Variants in MAP4K3 observed in about 807,000 individuals in gnomAD.
MAP4K3 encodes MAPK/ERK kinase kinase kinase 3.
A neutral mutation model predicts 143.5 loss-of-function variants in MAP4K3; 94 were observed. That is an observed-to-expected ratio of 0.65 (90% CI 0.55 to 0.78). The LOEUF is 0.78. Ranked by LOEUF, MAP4K3 falls within the 30% of genes least tolerant of loss-of-function variation. The pLI, the probability that MAP4K3 is intolerant of heterozygous loss-of-function variation, is 0.00. For synonymous variants in MAP4K3, 416 were observed against 347.2 expected (o/e 1.20, Z -2.20); for missense variants, 1,077 against 1,068.1 (o/e 1.01, Z -0.12).
At chr2:39,335,509 T>A (rs1329755164) in intron 6 of MAP4K3, among the ~76,000 whole-genome samples, 1 of 152,230 alleles carries the variant, frequency 6.6e-6, no homozygotes, top group African/African-American at 2.4e-5. Context: ...ATTAGTCTCA[T>A]ACATTCTCTT....
At position 39,286,943 on chromosome 2, in the gene MAP4K3, T is replaced by G. The variant is rs771965123; in HGVS notation, c.1496A>C (p.Gln499Pro). The G allele has an allele frequency of 6.2e-7, 1 of 1,606,152 alleles. No individual in the cohort carries two copies. Among genetic ancestry groups the G allele is most frequent in the South Asian group, 1.1e-5 (1 of 89,846 alleles). The change falls in exon 21 of 34, where the codon CAG becomes CCG. Residue 499 changes from glutamine to proline, a missense_variant. Gln to Pro is a moderately conservative substitution (Grantham distance 76). This residue lies in a region of MAP4K3 where 864 missense variants were observed against 801.2 expected (regional missense o/e 1.08). Coordinates refer to ENST00000263881, the MANE Select transcript of MAP4K3 (RefSeq NM_003618.4). ...VALGNGMSSF[Q>P]LNGERDGSLC... ...TGAGCCATCTCGTTCACCATTTAAC[T>G]GGAAGGAGCTCATTCCATTTCCTTC...
rs961331001 is a variant in MAP4K3, at chr2:39,249,471, T to A, written c.*1147A>T. Reference sequence around the variant, plus strand: ...ATTTTGCTAAAACCTGGTATATACATATTCCATTGGAAAAAAGCAATCAAA... The same window carrying A: ...ATTTTGCTAAAACCTGGTATATACAAATTCCATTGGAAAAAAGCAATCAAA... On this transcript the variant is annotated 3_prime_UTR_variant, in exon 34 of 34. Coordinates refer to ENST00000263881, the MANE Select transcript of MAP4K3 (RefSeq NM_003618.4). The A allele has an allele frequency of 1.3e-5, 2 of 152,600 alleles. No individual in the cohort carries two copies. Among genetic ancestry groups the A allele is most frequent in the Non-Finnish European group, 2.9e-5 (2 of 67,996 alleles). 9.5% of individuals were successfully genotyped at this position (152,600 alleles called of 1,614,324 possible). A position where few individuals can be genotyped will look rare whatever the true frequency, so the allele number is the denominator to read the frequency against.
chr2:39,260,984 T>C, intron 28 of MAP4K3: 1 of 457,520 alleles, frequency 2.2e-6, no homozygotes, highest in South Asian at 2.9e-5. Context: ...ATTACATGAT[T>C]TTAGGACATT....
At chr2:39,293,171 G>A in intron 17 of MAP4K3, 59 bp downstream of exon 17, 2 of 1,206,618 alleles carry the variant, frequency 1.7e-6, no homozygotes, top group South Asian at 1.4e-5. Flanking sequence ...AGAGAAGAAG[G>A]CAAACTGACT....
intron 2 of MAP4K3, among the ~76,000 whole-genome samples, chr2:39,365,247 G>T (rs547519277): frequency 6.6e-6 from 1 of 151,960 alleles, no homozygotes; most frequent in African/African-American, 2.4e-5. Context: ...TGTTAATGTT[G>T]GTCAGCTGAG....
At chr2:39,407,498 C>T (rs901671181) in intron 1 of MAP4K3, among the ~76,000 whole-genome samples, 18 of 152,206 alleles carry the variant, frequency 1.2e-4, no homozygotes, top group African/African-American at 4.1e-4. Context: ...CTCCCAGACA[C>T]CATTAAGAAA....
chr2:39,305,081 A>T (rs1682653366), intron 15 of MAP4K3, among the ~76,000 whole-genome samples: 1 of 152,204 alleles, frequency 6.6e-6, no homozygotes, highest in Non-Finnish European at 1.5e-5. Context: ...GTTATTGTTT[A>T]ATGAGTATAG....
At chr2:39,332,057 AG>A in intron 7 of MAP4K3, 68 bp from the exon 8 acceptor site, 6 of 841,242 alleles carry the variant, frequency 7.1e-6, no homozygotes, top group African/African-American at 1.7e-5. Context: ...CAACATAAAA[AG>A]AAACTTTTAA....
At chr2:39,273,004 T>G (rs192412868) in intron 24 of MAP4K3, among the ~76,000 whole-genome samples, 1 of 151,198 alleles carries the variant, frequency 6.6e-6, no homozygotes, top group East Asian at 2.0e-4. Context: ...ACACTAGGTA[T>G]GGAGGGAAAA....
intron 1 of MAP4K3, among the ~76,000 whole-genome samples, chr2:39,393,086 T>C (rs1020518337): frequency 7.9e-5 from 12 of 152,242 alleles, no homozygotes; most frequent in African/African-American, 2.9e-4. Context: ...CTCATCAGGC[T>C]GTTAGTGGTT....
chr2:39,297,021 T>A (rs1205497147), intron 16 of MAP4K3, among the ~76,000 whole-genome samples: 4 of 152,218 alleles, frequency 2.6e-5, no homozygotes, highest in Non-Finnish European at 5.9e-5. Context: ...AATTGTGTAA[T>A]TCAATGTACT....
intron 32 of MAP4K3, among the ~76,000 whole-genome samples, chr2:39,253,218 G>A (rs573271356): frequency 1.9e-4 from 29 of 152,168 alleles, no homozygotes; most frequent in Non-Finnish European, 2.4e-4. Flanking sequence ...TGGAACCTCC[G>A]CCTCCTGGGT....
chr2:39,392,420 C>T (rs1303793449), intron 1 of MAP4K3, among the ~76,000 whole-genome samples: 4 of 152,094 alleles, frequency 2.6e-5, no homozygotes, highest in African/African-American at 9.7e-5. Context: ...TATAAATTAT[C>T]TATAAAGCAT....
At chr2:39,307,239 A>C (rs1048032930) in intron 15 of MAP4K3, among the ~76,000 whole-genome samples, 13 of 152,200 alleles carry the variant, frequency 8.5e-5, no homozygotes, top group African/African-American at 3.1e-4. Context: ...CCACAGTAGC[A>C]GAAAGAACTA....
intron 8 of MAP4K3, among the ~76,000 whole-genome samples, chr2:39,326,735 G>A (rs115087354): frequency 3.5e-4 from 54 of 152,166 alleles, no homozygotes; most frequent in African/African-American, 1.2e-3. Context: ...GAGGGGCCTC[G>A]TAGGAGGTGA....
intron 12 of MAP4K3, among the ~76,000 whole-genome samples, chr2:39,321,544 G>T (rs1465654036): frequency 1.3e-5 from 2 of 152,130 alleles, no homozygotes; most frequent in African/African-American, 4.8e-5. Context: ...CTCGTGGGAA[G>T]GGGAAGACCT....
intron 26 of MAP4K3, among the ~76,000 whole-genome samples, chr2:39,270,471 T>C (rs1299672174): frequency 6.6e-6 from 1 of 152,240 alleles, no homozygotes; most frequent in Non-Finnish European, 1.5e-5. Context: ...CCAATAATGA[T>C]GACAAAAGGT....
rs1573159486 is a variant in MAP4K3 at position 39,330,158 on chromosome 2, T to C, written c.530+1759A>G. Among the ~76,000 whole-genome samples, 4 of 152,062 alleles carry C rather than the reference T, an allele frequency of 2.6e-5. No homozygotes were observed. The East Asian group carries it at 7.7e-4, about 29-fold the overall frequency. On this transcript the variant is annotated intron_variant, in intron 8 of 33. Coordinates refer to ENST00000263881, the MANE Select transcript of MAP4K3 (RefSeq NM_003618.4). ...TGAAAAGACATGAGTCTTTGGATTATAAAGCACAAATGCCAAGTACAATGA... is the reference window on the plus strand; with the variant it reads ...TGAAAAGACATGAGTCTTTGGATTACAAAGCACAAATGCCAAGTACAATGA...
intron 2 of MAP4K3, among the ~76,000 whole-genome samples, chr2:39,375,855 T>C (rs115873542): frequency 1.3e-3 from 198 of 152,372 alleles, no homozygotes; most frequent in African/African-American, 4.6e-3. Context: ...GTTTTGTGTG[T>C]CTAGCTCCTT....
Sources: gnomAD v4.1 joint callset for allele counts (sites outside exome capture counted in the v4.1 genomes callset) on GRCh38, gnomAD v4.1.1 for gene constraint, gnomAD v4.1.1 regional missense constraint, MANE v1.5 for transcripts, NCBI Gene and HGNC (gene_info 2026-07-23, HGNC 2026-07-21) for gene names.